KMT5B: variants seen among roughly 807,000 people sequenced by gnomAD.
The protein encoded by KMT5B is lysine methyltransferase 5B, also known as histone-lysine N-methyltransferase KMT5B.
In KMT5B, 10 loss-of-function variants were observed where a neutral mutation model predicts 83.2. That is an observed-to-expected ratio of 0.12 (90% CI 0.07 to 0.20). The LOEUF (loss-of-function observed/expected upper bound fraction) is 0.20, where lower values mean the gene tolerates loss of function less well. Among genes scored for constraint, KMT5B ranks in the 10% least tolerant of loss-of-function variants. The pLI is 1.00. For missense variants in KMT5B, 753 were observed against 1,067.2 expected, an observed-to-expected ratio of 0.71 and a Z score of 4.10; for synonymous variants, 349 against 388.8, an observed-to-expected ratio of 0.90 and a Z score of 1.20.
At chr11:68,197,247 A>G (rs919176238) in intron 1 of KMT5B, among the ~76,000 whole-genome samples, 7 of 152,150 alleles carry the variant, frequency 4.6e-5, no homozygotes, top group Admixed American at 3.9e-4. Flanking sequence ...TGCTGGAATT[A>G]CAGGCGTGAG....
At chr11:68,189,410 T>C (rs1024389137) in intron 2 of KMT5B, among the ~76,000 whole-genome samples, 1 of 152,222 alleles carries the variant, frequency 6.6e-6, no homozygotes, top group African/African-American at 2.4e-5. Context: ...GATGAACAAC[T>C]GTCTACCCTG....
At chr11:68,169,889 T>G (rs533204066) in intron 9 of KMT5B, among the ~76,000 whole-genome samples, 1 of 151,062 alleles carries the variant, frequency 6.6e-6, no homozygotes, top group East Asian at 1.9e-4. Flanking sequence ...AAGATAAATT[T>G]TATGTCCCTC....
intron 2 of KMT5B, among the ~76,000 whole-genome samples, chr11:68,186,157 AG>A (rs1857419306): frequency 6.6e-6 from 1 of 152,214 alleles, no homozygotes; most frequent in South Asian, 2.1e-4. Flanking sequence ...CAGGTTCCCA[AG>A]AATGGGGTCT....
intron 6 of KMT5B, 104 bp downstream of exon 6, chr11:68,173,700 T>C: frequency 1.3e-6 from 1 of 782,380 alleles, no homozygotes; most frequent in Non-Finnish European, 2.0e-6. Flanking sequence ...TACTTCAGGG[T>C]AAACTCTGGC....
rs1455813955 is a variant in KMT5B at position 68,208,252 on chromosome 11, G to A, written c.-77+4886C>T. The stretch of plus-strand genomic sequence containing the variant: ...TCACGAGGTCAGGAGTTCAAGACCA[G>A]CCTGGCCAACATGGTGAAACCCCGT... On this transcript the variant is annotated intron_variant, in intron 1 of 10. Transcript: ENST00000304363. 2.0e-5 allele frequency among the ~76,000 whole-genome samples: 3 copies of A among 151,474 alleles called. No individual in the cohort carries two copies. In the South Asian group the frequency reaches 6.4e-4, roughly 32 times the overall value.
intron 1 of KMT5B, among the ~76,000 whole-genome samples, 190 bp downstream of exon 1, chr11:68,212,948 G>A (rs1241764655): frequency 7.0e-6 from 1 of 141,972 alleles, no homozygotes; most frequent in Non-Finnish European, 1.6e-5. Context: ...CCCCGCGCCG[G>A]CCCCGCACCG....
chr11:68,173,851 T>C lies in KMT5B; in HGVS notation c.606A>G (p.Arg202=). 3 of 1,613,368 alleles carry C rather than the reference T, an allele frequency of 1.9e-6. No individual in the cohort carries two copies. Among genetic ancestry groups the C allele is most frequent in the South Asian group, 1.1e-5 (1 of 90,856 alleles). ...TGGCTCCATTTTGTTCTGATGAGTA[T>C]CTATTACATGGCAATATTTCAAATC... ...DSGFEILPCN[R]YSSEQNGAKI... The change falls in exon 6 of 11, where the codon AGA becomes AGG. Residue 202 remains arginine, a synonymous_variant. Coordinates refer to ENST00000304363, the MANE Select transcript of KMT5B (RefSeq NM_017635.5).
rs1233697008 is a variant in KMT5B at position 68,157,916 on chromosome 11, C to T, written c.2430G>A (p.Glu810=). 1.2e-6 allele frequency: 2 copies of T among 1,614,140 alleles called. No individual in the cohort carries two copies. The highest frequency in any genetic ancestry group is 1.7e-6 in the Non-Finnish European group (2 of 1,179,978). The part of the protein sequence containing the change: ...VCCSDPLSLL[E]SRMEVDDYSQ... ...TATAGTCATCCACCTCCATTCGAGA[C>T]TCCAAGAGAGAAAGAGGATCACTGC... The change falls in exon 11 of 11, where the codon GAG becomes GAA. Residue 810 remains glutamate (E), a synonymous_variant. Coordinates refer to ENST00000304363, the MANE Select transcript of KMT5B (RefSeq NM_017635.5).
intron 4 of KMT5B, chr11:68,179,415 TTGA>T: frequency 1.6e-6 from 2 of 1,269,320 alleles, no homozygotes; most frequent in Non-Finnish European, 2.1e-6. Flanking sequence ...TCATTTACAA[TTGA>T]TTATTATTAA....
chr11:68,175,156 T>C lies in KMT5B; in HGVS notation c.405A>G (p.Glu135=), dbSNP rs752040823. The C allele has an allele frequency of 1.2e-6, 2 of 1,613,520 alleles. No homozygotes were observed. Among genetic ancestry groups the C allele is most frequent in the Non-Finnish European group, 1.7e-6 (2 of 1,179,654 alleles). The change falls in exon 5 of 11, where the codon GAA becomes GAG. Residue 135 remains glutamate (E), a synonymous_variant. Transcript: ENST00000304363. ...VRFRPIKGRQ[E]ELKEVIERFK... ...AACGTTCAATTACTTCCTTTAGTTC[T>C]TCCTGCCTTCCTTTAATAGGCCTAA...
At chr11:68,210,554 T>C (rs1860768788) in intron 1 of KMT5B, among the ~76,000 whole-genome samples, 2 of 151,918 alleles carry the variant, frequency 1.3e-5, no homozygotes, top group African/African-American at 4.8e-5. Context: ...GGAATAAGAA[T>C]TGATTCTTAT....
intron 10 of KMT5B, chr11:68,166,130 C>T (rs769263778): frequency 3.3e-5 from 47 of 1,430,162 alleles, no homozygotes; most frequent in Non-Finnish European, 4.2e-5. Context: ...CTGTCTCTCT[C>T]AGAGACAAGT....
chr11:68,206,783 A>G (rs1860170224), intron 1 of KMT5B, among the ~76,000 whole-genome samples: 1 of 152,020 alleles, frequency 6.6e-6, no homozygotes, highest in African/African-American at 2.4e-5. Flanking sequence ...TCTATTCCCC[A>G]CCATAACTCA....
At chr11:68,204,978 A>T (rs1859907416) in intron 1 of KMT5B, among the ~76,000 whole-genome samples, 1 of 152,176 alleles carries the variant, frequency 6.6e-6, no homozygotes, top group Non-Finnish European at 1.5e-5. Flanking sequence ...CATAACAGAG[A>T]TTATGAAAAA....
intron 3 of KMT5B, among the ~76,000 whole-genome samples, chr11:68,183,131 T>G (rs1857106791): frequency 6.6e-6 from 1 of 151,876 alleles, no homozygotes; most frequent in African/African-American, 2.4e-5. Context: ...AGGTCAAGAT[T>G]CTGGGCCTTT....
At chr11:68,206,410 G>C (rs1860118118) in intron 1 of KMT5B, among the ~76,000 whole-genome samples, 1 of 152,198 alleles carries the variant, frequency 6.6e-6, no homozygotes. Flanking sequence ...GCAAGGACAA[G>C]TGTGAGGAAA....
intron 1 of KMT5B, among the ~76,000 whole-genome samples, chr11:68,193,466 T>G (rs1858329783): frequency 6.6e-6 from 1 of 151,976 alleles, no homozygotes; most frequent in African/African-American, 2.4e-5. Context: ...GTGAGTTCAC[T>G]GGAGGGTAAG....
intron 4 of KMT5B, chr11:68,179,827 T>C (rs1330262426): frequency 7.6e-6 from 3 of 395,494 alleles, no homozygotes; most frequent in Non-Finnish European, 1.3e-5. Flanking sequence ...CAGTCCTTCT[T>C]GACCTGAAAA....
chr11:68,178,088 T>C (rs1386792932), intron 4 of KMT5B, among the ~76,000 whole-genome samples: 1 of 152,160 alleles, frequency 6.6e-6, no homozygotes, highest in Non-Finnish European at 1.5e-5. Context: ...AGAAAAGCAA[T>C]AGTTCACTTT....
Sources: allele counts gnomAD v4.1 joint callset (sites outside exome capture counted in the v4.1 genomes callset), GRCh38; gene constraint gnomAD v4.1.1; transcripts MANE v1.5; gene names NCBI Gene and HGNC (gene_info 2026-07-23, HGNC 2026-07-21).